Variants in ZBED6 observed in about 807,000 individuals in gnomAD.
The protein encoded by ZBED6 is zinc finger BED-type containing 6.
Under a neutral mutation model 58.4 loss-of-function variants are expected in ZBED6, and 40 were observed. That is an observed-to-expected ratio of 0.68 (90% confidence interval 0.53 to 0.89). The LOEUF is 0.89. Ranked by LOEUF, ZBED6 falls within the 40% of genes least tolerant of loss-of-function variation. The pLI is 0.00. For missense variants in ZBED6, 1,057 were observed against 1,003.9 expected (o/e 1.05, Z -0.71); for synonymous variants, 439 against 350.6 (o/e 1.25, Z -2.82).
At chr1:203,838,492 G>A (rs187287784) in intron 10 of ZBED6, among the ~76,000 whole-genome samples, 9 of 152,356 alleles carry the variant, frequency 5.9e-5, no homozygotes, top group Non-Finnish European at 1.2e-4. Flanking sequence ...CTCAGGCAGA[G>A]AGAATAACTC....
intron 1 of ZBED6, among the ~76,000 whole-genome samples, chr1:203,815,800 T>C (rs114857250): frequency 0.039 from 6,014 of 152,294 alleles, 165 homozygotes; most frequent in Admixed American, 0.068. Context: ...TAGATCACTA[T>C]TTCTGAAACC....
rs569904069 is a variant in ZBED6, at chr1:203,838,870, G to A, written c.*3672+806G>A. Among the ~76,000 whole-genome samples, 3 of 149,416 alleles carry A rather than the reference G, an allele frequency of 2.0e-5. No homozygotes were observed. In the East Asian group the frequency reaches 6.0e-4, roughly 30 times the overall value. ...TGGGAGGCTGAGGCAGGAGAATTGT[G>A]TGAACCTGGAAGGCGGAGGTTACAG... On this transcript the variant is annotated intron_variant, in intron 10 of 16. Transcript: ENST00000550078.
At chr1:203,827,977 A>G (rs771910374) in intron 3 of ZBED6, among the ~76,000 whole-genome samples, 13 of 152,208 alleles carry the variant, frequency 8.5e-5, no homozygotes, top group Non-Finnish European at 1.5e-4. Context: ...AACATAATAG[A>G]GATTCAGACC....
chr1:203,809,426 C>T (rs1364494056), intron 1 of ZBED6, among the ~76,000 whole-genome samples: 1 of 151,500 alleles, frequency 6.6e-6, no homozygotes, highest in Non-Finnish European at 1.5e-5. Flanking sequence ...CCGCCCATCT[C>T]CGAAATCCCA....
chr1:203,845,997 C>G (rs1687783817), intron 11 of ZBED6, among the ~76,000 whole-genome samples: 1 of 151,170 alleles, frequency 6.6e-6, no homozygotes, highest in African/African-American at 2.4e-5. Context: ...AGATTTCAGA[C>G]TGGGTATGGT....
At chr1:203,823,997 C>T (rs187888574) in intron 3 of ZBED6, among the ~76,000 whole-genome samples, 24 of 152,114 alleles carry the variant, frequency 1.6e-4, no homozygotes, top group African/African-American at 4.8e-4. Flanking sequence ...AGCCGGGCGC[C>T]GTGGCTCATG....
chr1:203,799,523 T>C (rs993410794), exon 1 of ZBED6: 15 of 702,934 alleles, frequency 2.1e-5, no homozygotes, highest in East Asian at 8.0e-5. Context: ...CAGTTCACCA[T>C]AGTCTTGGTA....
exon 5 of ZBED6, chr1:203,829,469 C>T (rs1363198144): frequency 6.2e-7 from 1 of 1,613,894 alleles, no homozygotes; most frequent in Non-Finnish European, 8.5e-7. Context: ...CCCACTGTGC[C>T]TGAGTCACCA....
intron 3 of ZBED6, among the ~76,000 whole-genome samples, chr1:203,823,987 A>G (rs1370648461): frequency 1.3e-5 from 2 of 152,066 alleles, no homozygotes; most frequent in Admixed American, 1.3e-4. Flanking sequence ...AGGAGAGGGA[A>G]GCCGGGCGCC....
chr1:203,802,665 AGTTTT>A (rs1285739441), exon 1 of ZBED6: 1 of 143,950 alleles, frequency 6.9e-6, no homozygotes, highest in Non-Finnish European at 1.5e-5. Flanking sequence ...TGGAAGATGG[AGTTTT>A]TTTTCATGAT....
chr1:203,847,485 C>G (rs1467508860), exon 12 of ZBED6: 1 of 1,613,910 alleles, frequency 6.2e-7, no homozygotes, highest in South Asian at 1.1e-5. Context: ...TTTTGCCACC[C>G]ATTGTTGCCA....
intron 13 of ZBED6, 46 bp from the exon 14 acceptor site, chr1:203,849,665 A>G (rs1371437073): frequency 6.4e-7 from 1 of 1,565,240 alleles, no homozygotes; most frequent in East Asian, 2.2e-5. Context: ...CATACAGGTT[A>G]TTAGAGGTAC....
intron 8 of ZBED6, among the ~76,000 whole-genome samples, chr1:203,832,568 C>T (rs969425368): frequency 6.6e-6 from 1 of 152,078 alleles, no homozygotes; most frequent in Non-Finnish European, 1.5e-5. Context: ...ACCATGTTGG[C>T]CACACTGGTC....
At chr1:203,796,869 G>A (rs1668697491) in exon 1 of ZBED6, 1 of 157,676 alleles carries the variant, frequency 6.3e-6, no homozygotes, top group Non-Finnish European at 1.4e-5. Flanking sequence ...ATTTTAAAAG[G>A]TTGTATTACT....
chr1:203,851,240 C>A, intron 16 of ZBED6, 116 bp downstream of exon 16: 1 of 907,378 alleles, frequency 1.1e-6, no homozygotes, highest in Non-Finnish European at 1.7e-6. Flanking sequence ...TGTTGCACTT[C>A]AAATTAATTG....
In ZBED6 at chr1:203,809,563, T is replaced by C. The variant is rs191361490; in HGVS notation, c.*2554+6547T>C. Among the ~76,000 whole-genome samples the C allele has an allele frequency of 2.0e-3, 303 of 152,330 alleles. 1 individual carries two copies. The highest frequency in any genetic ancestry group is 6.9e-3 in the African/African-American group (287 of 41,568). On this transcript the variant is annotated intron_variant, in intron 1 of 16. Coordinates refer to ENST00000550078, the Ensembl canonical transcript of ZBED6. ...AGAGCATGAAGATTTTAAAATAATA[T>C]GTCCTTTTTCCTACATTAACTTCTA...
At chr1:203,808,198 T>A (rs545984196) in intron 1 of ZBED6, among the ~76,000 whole-genome samples, 1 of 152,354 alleles carries the variant, frequency 6.6e-6, no homozygotes, top group South Asian at 2.1e-4. Flanking sequence ...CTGAGCTATT[T>A]GTGAAATGTA....
chr1:203,828,708 A>T (rs1457351192), intron 4 of ZBED6, among the ~76,000 whole-genome samples: 2 of 152,200 alleles, frequency 1.3e-5, no homozygotes, highest in Non-Finnish European at 2.9e-5. Context: ...TTCTAGGTCA[A>T]AGGTTGGCAA....
At chr1:203,815,682 A>G (rs1196011541) in intron 1 of ZBED6, among the ~76,000 whole-genome samples, 2 of 152,198 alleles carry the variant, frequency 1.3e-5, no homozygotes, top group South Asian at 4.1e-4. Context: ...CAGACTCTTA[A>G]TCCAGGTTGT....
Sources: gnomAD v4.1 joint callset for allele counts (sites outside exome capture counted in the v4.1 genomes callset) on GRCh38, gnomAD v4.1.1 for gene constraint, MANE v1.5 for transcripts, NCBI Gene and HGNC (gene_info 2026-07-23, HGNC 2026-07-21) for gene names.